LRP2: variants seen among roughly 807,000 people sequenced by gnomAD.
The protein encoded by LRP2 is LDL receptor related protein 2.
Under a neutral mutation model 531.0 loss-of-function variants are expected in LRP2, and 172 were observed. The observed-to-expected ratio is 0.32, with a 90% CI of 0.29 to 0.37. The LOEUF (loss-of-function observed/expected upper bound fraction) is 0.37. Among genes scored for constraint, LRP2 ranks in the 10% least tolerant of loss-of-function variants. The pLI is 1.00. For synonymous variants in LRP2, 1,992 were observed against 2,027.6 expected (o/e 0.98, Z 0.47); for missense variants, 5,167 against 5,868.3 (o/e 0.88, Z 3.90).
chr2:169,279,449 C>A lies in LRP2; in HGVS notation c.1488G>T (p.Leu496Phe), dbSNP rs1272969033. Residue 496 changes from leucine to phenylalanine, a missense_variant, in exon 12 of 79, where the codon TTG becomes TTT. Transcript: ENST00000649046. ...TAAGGGTAACCCGATAGCTTCCATC[C>A]AAATTTACCATATCTATGCGGTTGA... ...TKVNRIDMVN[L>F]DGSYRVTLIT... is the part of the protein sequence containing the mutation. The A allele has an allele frequency of 6.2e-7, 1 of 1,613,918 alleles. No homozygotes were observed. The highest frequency in any genetic ancestry group is 1.1e-5 in the South Asian group (1 of 91,076).
chr2:169,295,302 C>T (rs543975900), intron 4 of LRP2, among the ~76,000 whole-genome samples: 17 of 152,210 alleles, frequency 1.1e-4, no homozygotes, highest in Non-Finnish European at 2.1e-4. Flanking sequence ...ATTTGGATAA[C>T]CTACTGCACA....
Position 169,237,283 on chromosome 2 carries a change from A to C in LRP2, c.4511T>G (p.Phe1504Cys), listed in dbSNP as rs1689642112. 2 of 1,611,494 alleles carry C rather than the reference A, an allele frequency of 1.2e-6. No homozygotes were observed. Among genetic ancestry groups the C allele is most frequent in the South Asian group, 2.2e-5 (2 of 91,030 alleles). ...FQNGTDRRVVFDSSIILTETI... is the reference protein window; with the variant it reads ...FQNGTDRRVVCDSSIILTETI... Reference sequence around the variant, plus strand: ...TTCAGTCAAGATGATGCTACTGTCAAATACCTAAAGACAAAAGTGAATAAA... The same window carrying C: ...TTCAGTCAAGATGATGCTACTGTCACATACCTAAAGACAAAAGTGAATAAA... The change falls in exon 28 of 79, where the codon TTT becomes TGT. Residue 1504 changes from phenylalanine to cysteine, a missense_variant. By Grantham distance (205) the Phe-to-Cys change is radical (BLOSUM62 -2). Coordinates refer to ENST00000649046, the MANE Select transcript of LRP2 (RefSeq NM_004525.3).
At chr2:169,285,113 A>G (rs987399687) in intron 9 of LRP2, among the ~76,000 whole-genome samples, 2 of 151,292 alleles carry the variant, frequency 1.3e-5, no homozygotes, top group African/African-American at 2.4e-5. Context: ...GTTTGAGACT[A>G]GCCTGGGCAA....
chr2:169,316,141 C>CA lies in LRP2; in HGVS notation c.310+2620dup, dbSNP rs34270545. Reference sequence around the variant, plus strand: ...TGGGCAACAGAGCAAGACCCTGTCTCAAAAAAAAAAAAAATCTGTCCTTGC... The same window carrying CA: ...TGGGCAACAGAGCAAGACCCTGTCTCAAAAAAAAAAAAAAATCTGTCCTTGC... On this transcript the variant is annotated intron_variant, in intron 3 of 78. Coordinates refer to ENST00000649046, the MANE Select transcript of LRP2 (RefSeq NM_004525.3). 6.9e-3 allele frequency among the ~76,000 whole-genome samples: 884 copies of CA among 128,610 alleles called. 9 individuals carry two copies. Among genetic ancestry groups the CA allele is most frequent in the Middle Eastern group, 0.016 (4 of 246 alleles). The allele number at this position is 128,610 out of a possible 152,430, so 84.4% of individuals were successfully genotyped here. A position where few individuals can be genotyped will look rare whatever the true frequency, so the allele number is the denominator to read the frequency against.
chr2:169,310,272 T>A (rs571595785), intron 3 of LRP2, among the ~76,000 whole-genome samples: 1 of 152,122 alleles, frequency 6.6e-6, no homozygotes, highest in African/African-American at 2.4e-5. Flanking sequence ...TGAATAAGAG[T>A]GGTGACAGTT....
At chr2:169,209,347 G>T in intron 38 of LRP2, 106 bp downstream of exon 38, 1 of 1,047,410 alleles carries the variant, frequency 9.5e-7, no homozygotes, top group Non-Finnish European at 1.5e-6. Flanking sequence ...CTTAATAATT[G>T]TCTAGAAAAA....
chr2:169,139,179 C>T, intron 74 of LRP2, 72 bp downstream of exon 74: 1 of 1,608,590 alleles, frequency 6.2e-7, no homozygotes, highest in Non-Finnish European at 8.5e-7. Flanking sequence ...AGAAAGAAAA[C>T]TAAGTCCTTC....
chr2:169,198,946 T>A (rs1472629685), intron 44 of LRP2, 35 bp from the exon 45 acceptor site: 4 of 1,605,854 alleles, frequency 2.5e-6, no homozygotes, highest in Non-Finnish European at 3.4e-6. Context: ...ATTAGGAATA[T>A]ATCCACCAAA....
At chr2:169,146,587 C>A in intron 69 of LRP2, 152 bp downstream of exon 69, 1 of 608,534 alleles carries the variant, frequency 1.6e-6, no homozygotes, top group East Asian at 2.8e-5. Flanking sequence ...TTTAATTCAG[C>A]AGGTGGGAGT....
rs956215808 is a variant in LRP2, at chr2:169,243,190, G to C, written c.3551-118C>G. The stretch of plus-strand genomic sequence containing the variant: ...CTGGAGTACATATGCAGAACATGCA[G>C]GTTTGTTACATAGGTATACACGTGC... On this transcript the variant is annotated intron_variant, in intron 23 of 78. Coordinates refer to ENST00000649046, the MANE Select transcript of LRP2 (RefSeq NM_004525.3). 26 of 948,084 alleles carry C rather than the reference G, an allele frequency of 2.7e-5. No individual in the cohort carries two copies. In the African/African-American group the frequency reaches 4.3e-4, roughly 16 times the overall value. The allele number at this position is 948,084 out of a possible 1,614,324, so 58.7% of individuals were successfully genotyped here.
rs752927597 is a variant in LRP2 at position 169,307,321 on chromosome 2, G to C, written c.387C>G (p.His129Gln). 6.2e-7 allele frequency: 1 copy of C among 1,613,994 alleles called. No homozygotes were observed. Among genetic ancestry groups the C allele is most frequent in the African/African-American group, 1.3e-5 (1 of 75,044 alleles). Reference protein sequence around the residue: ...QCIPSEYRCDHVRDCPDGADE... With the variant: ...QCIPSEYRCDQVRDCPDGADE... ...CAGCTCCATCGGGGCAGTCTCTGAC[G>C]TGGTCGCACCTGTATTCACTTGGGA... is the stretch of plus-strand genomic sequence containing the variant. The change falls in exon 4 of 79, where the codon CAC becomes CAG. Residue 129 changes from histidine (H) to glutamine (Q), a missense_variant. His to Gln is a conservative substitution (Grantham distance 24). Transcript: ENST00000649046.
Position 169,309,292 on chromosome 2 carries a change from C to T in LRP2, c.311-1895G>A, listed in dbSNP as rs566991985. Among the ~76,000 whole-genome samples, 789 of 152,224 alleles carry T rather than the reference C, an allele frequency of 5.2e-3. 4 individuals are homozygous for T. Among genetic ancestry groups the T allele is most frequent in the African/African-American group, 0.018 (736 of 41,546 alleles). ...CTTTTGGTGTTTTAGACATGAAGTCCTTGCCCATGTCTATGTCCTGAATGG... is the reference window on the plus strand; with the variant it reads ...CTTTTGGTGTTTTAGACATGAAGTCTTTGCCCATGTCTATGTCCTGAATGG... On this transcript the variant is annotated intron_variant, in intron 3 of 78. Coordinates refer to ENST00000649046, the MANE Select transcript of LRP2 (RefSeq NM_004525.3).
intron 63 of LRP2, among the ~76,000 whole-genome samples, chr2:169,158,657 G>GA (rs201221357): frequency 0.014 from 2,094 of 147,648 alleles, 47 homozygotes; most frequent in African/African-American, 0.048. Context: ...ATAATAAATT[G>GA]AAAAAAAGAC....
At chr2:169,279,647 G>T (rs765062265) in intron 11 of LRP2, 52 bp from the exon 12 acceptor site, 2 of 1,160,430 alleles carry the variant, frequency 1.7e-6, no homozygotes, top group African/African-American at 1.5e-5. Flanking sequence ...TAACTACGTG[G>T]TTTGTTTTGA....
At chr2:169,169,109 A>G (rs947519224) in intron 60 of LRP2, among the ~76,000 whole-genome samples, 2 of 152,220 alleles carry the variant, frequency 1.3e-5, no homozygotes, top group Non-Finnish European at 2.9e-5. Flanking sequence ...CTGAGTAATC[A>G]TGTTGGCTTT....
chr2:169,223,075 T>A (rs1226730660), intron 33 of LRP2, among the ~76,000 whole-genome samples: 3 of 152,210 alleles, frequency 2.0e-5, no homozygotes. Flanking sequence ...TCTTAGGATA[T>A]CCAGGATCAA....
rs748820624 is a variant in LRP2 at position 169,128,692 on chromosome 2, T to C, written c.13939A>G (p.Asn4647Asp). Residue 4647 changes from asparagine (N) to aspartate (D), a missense_variant, in exon 79 of 79, where the codon AAT becomes GAT. This residue lies in a region of LRP2 where 348 missense variants were observed against 369.3 expected (regional missense o/e 0.94). Transcript: ENST00000649046. Reference sequence around the variant, plus strand: ...ACTTCAGAGTCTTCTTTAACAAGATTTGCGGTGTCTTTAAAAGTGTCTTCT... The same window carrying C: ...ACTTCAGAGTCTTCTTTAACAAGATCTGCGGTGTCTTTAAAAGTGTCTTCT... ...ATEDTFKDTANLVKEDSEV is the reference protein window; with the variant it reads ...ATEDTFKDTADLVKEDSEV 1.2e-6 allele frequency: 2 copies of C among 1,614,160 alleles called. No homozygotes were observed. Among genetic ancestry groups the C allele is most frequent in the South Asian group, 1.1e-5 (1 of 91,084 alleles).
intron 1 of LRP2, among the ~76,000 whole-genome samples, chr2:169,357,467 G>T (rs1686025483): frequency 1.3e-5 from 2 of 152,008 alleles, no homozygotes; most frequent in Non-Finnish European, 2.9e-5. Flanking sequence ...GAGTAGCTGG[G>T]ATTACAGGTG....
At chr2:169,169,257 G>A (rs1686902075) in intron 60 of LRP2, among the ~76,000 whole-genome samples, 1 of 152,200 alleles carries the variant, frequency 6.6e-6, no homozygotes, top group Non-Finnish European at 1.5e-5. Flanking sequence ...TACAGGTGTG[G>A]AGGGGCTGGC....
Sources: allele counts gnomAD v4.1 joint callset (sites outside exome capture counted in the v4.1 genomes callset), GRCh38; gene constraint gnomAD v4.1.1; regional missense constraint gnomAD v4.1.1; transcripts MANE v1.5; gene names NCBI Gene and HGNC (gene_info 2026-07-23, HGNC 2026-07-21).